Variants in SOX6 observed in about 807,000 individuals in gnomAD.
The protein encoded by SOX6 is SRY-box transcription factor 6, also known as transcription factor SOX-6.
A neutral mutation model predicts 97.8 loss-of-function variants in SOX6; 11 were observed. The ratio of observed to expected loss-of-function variants is 0.11; its 90% CI spans 0.07 to 0.19. The LOEUF (loss-of-function observed/expected upper bound fraction) is 0.19, where lower values mean the gene tolerates loss of function less well. Among genes scored for constraint, SOX6 ranks in the 10% least tolerant of loss-of-function variants. The pLI is 1.00. For missense variants in SOX6, 810 were observed against 1,039.5 expected, an observed-to-expected ratio of 0.78 and a Z score of 3.04; for synonymous variants, 360 against 371.4, an observed-to-expected ratio of 0.97 and a Z score of 0.35.
intron 3 of SOX6, among the ~76,000 whole-genome samples, chr11:16,656,482 G>A (rs1247136044): frequency 6.6e-6 from 1 of 152,054 alleles, no homozygotes; most frequent in Non-Finnish European, 1.5e-5. Context: ...CCTTGGTTAA[G>A]CTAACTCCTT....
At chr11:16,216,020 G>A (rs761073342) in intron 4 of SOX6, among the ~76,000 whole-genome samples, 5 of 152,220 alleles carry the variant, frequency 3.3e-5, no homozygotes, top group Non-Finnish European at 5.9e-5. Context: ...TTCAAATCCT[G>A]GTTTAGCCAC....
intron 6 of SOX6, among the ~76,000 whole-genome samples, chr11:16,136,456 A>G (rs1326406921): frequency 6.6e-6 from 1 of 150,600 alleles, no homozygotes; most frequent in East Asian, 2.0e-4. Context: ...GCTGGAGTTC[A>G]GTGGTGGAAT....
At chr11:16,530,302 G>A (rs1321318498) in intron 4 of SOX6, among the ~76,000 whole-genome samples, 1 of 152,002 alleles carries the variant, frequency 6.6e-6, no homozygotes, top group African/African-American at 2.4e-5. Context: ...GAAAATGTTT[G>A]ACATAAAAGG....
chr11:16,531,899 C>T (rs1369776514), intron 4 of SOX6, among the ~76,000 whole-genome samples: 1 of 151,818 alleles, frequency 6.6e-6, no homozygotes, highest in African/African-American at 2.4e-5. Flanking sequence ...AAATATTTTT[C>T]CTCATGACAT....
At chr11:16,629,869 G>A (rs575466188) in intron 3 of SOX6, among the ~76,000 whole-genome samples, 10 of 152,198 alleles carry the variant, frequency 6.6e-5, no homozygotes, top group African/African-American at 2.4e-4. Flanking sequence ...CTCTAGATTT[G>A]ATAGTTTGTG....
intron 4 of SOX6, among the ~76,000 whole-genome samples, chr11:16,526,877 A>G (rs1291928220): frequency 2.0e-5 from 3 of 152,094 alleles, no homozygotes; most frequent in South Asian, 2.1e-4. Flanking sequence ...TCTTAATTCT[A>G]TAAAGTTTTT....
chr11:16,287,209 T>C (rs1220002586), intron 3 of SOX6, among the ~76,000 whole-genome samples: 1 of 151,548 alleles, frequency 6.6e-6, no homozygotes, highest in Non-Finnish European at 1.5e-5. Context: ...TATATTGTGC[T>C]ATACCATCTC....
intron 4 of SOX6, among the ~76,000 whole-genome samples, chr11:16,572,183 A>C (rs1485757022): frequency 6.6e-6 from 1 of 152,190 alleles, no homozygotes; most frequent in African/African-American, 2.4e-5. Context: ...TTACTGTAGC[A>C]AAAGGAAAAC....
At chr11:16,022,093 G>T (rs1421196678) in intron 12 of SOX6, among the ~76,000 whole-genome samples, 1 of 152,146 alleles carries the variant, frequency 6.6e-6, no homozygotes, top group Non-Finnish European at 1.5e-5. Flanking sequence ...CAATGCTCAT[G>T]CCACAAGGGC....
intron 6 of SOX6, among the ~76,000 whole-genome samples, chr11:16,162,643 A>G (rs1009130596): frequency 4.6e-5 from 7 of 152,220 alleles, no homozygotes; most frequent in African/African-American, 1.7e-4. Flanking sequence ...AAAGCCAAGC[A>G]GATGCCCAGT....
At chr11:15,988,564 C>T (rs922785848) in intron 14 of SOX6, among the ~76,000 whole-genome samples, 28 of 152,086 alleles carry the variant, frequency 1.8e-4, no homozygotes, top group African/African-American at 6.0e-4. Context: ...GACATATAAA[C>T]CCAAGAACAC....
intron 4 of SOX6, among the ~76,000 whole-genome samples, chr11:16,527,845 C>T (rs1861190408): frequency 6.6e-6 from 1 of 152,082 alleles, no homozygotes; most frequent in Non-Finnish European, 1.5e-5. Context: ...AAATGTCTGT[C>T]GTTTCAAGCC....
intron 12 of SOX6, among the ~76,000 whole-genome samples, chr11:16,023,619 G>A (rs1183881951): frequency 2.0e-5 from 3 of 152,034 alleles, no homozygotes; most frequent in African/African-American, 7.2e-5. Flanking sequence ...TCTCCAAGAA[G>A]AATTTTCCCT....
chr11:15,972,514 T>C lies in SOX6; in HGVS notation c.*295A>G. ...AGAAAAAAAAAGTAAGACAAAAATA[T>C]AAGACTTGTAAGACATCTACGGGTT... On this transcript the variant is annotated 3_prime_UTR_variant, in exon 16 of 16. Coordinates refer to ENST00000683767, the MANE Select transcript of SOX6 (RefSeq NM_001367873.1). 2.4e-6 allele frequency: 1 copy of C among 410,582 alleles called. No homozygotes were observed. Among genetic ancestry groups the C allele is most frequent in the East Asian group, 4.7e-5 (1 of 21,266 alleles). 25.4% of individuals were successfully genotyped at this position (410,582 alleles called of 1,614,324 possible). A position where few individuals can be genotyped will look rare whatever the true frequency, so the allele number is the denominator to read the frequency against.
intron 6 of SOX6, among the ~76,000 whole-genome samples, chr11:16,173,951 T>A (rs1344931702): frequency 6.6e-6 from 1 of 151,120 alleles, no homozygotes; most frequent in Non-Finnish European, 1.5e-5. Flanking sequence ...GCTCAAGAGA[T>A]CCCCCTACCT....
At chr11:16,543,421 C>T (rs951454764) in intron 4 of SOX6, among the ~76,000 whole-genome samples, 4 of 151,294 alleles carry the variant, frequency 2.6e-5, no homozygotes, top group Admixed American at 6.6e-5. Context: ...AAAAAATCAT[C>T]TTCATTTTCT....
At chr11:16,371,969 G>C (rs895117278) in intron 1 of SOX6, among the ~76,000 whole-genome samples, 4 of 152,022 alleles carry the variant, frequency 2.6e-5, no homozygotes, top group African/African-American at 7.2e-5. Context: ...CTCAGTATAT[G>C]TTAGCTAATA....
intron 3 of SOX6, among the ~76,000 whole-genome samples, chr11:16,637,386 A>ATGGT (rs1347836688): frequency 6.6e-6 from 1 of 151,880 alleles, no homozygotes; most frequent in Non-Finnish European, 1.5e-5. Context: ...ATGCCCAGCT[A>ATGGT]ATTTTTGTAT....
At position 16,637,089 on chromosome 11, in the gene SOX6, T is replaced by C. The variant is rs141787842; in HGVS notation, n.430-24829A>G. 3.1e-3 allele frequency among the ~76,000 whole-genome samples: 475 copies of C among 152,360 alleles called. 4 individuals are homozygous for C. Among genetic ancestry groups the C allele is most frequent in the African/African-American group, 0.011 (448 of 41,588 alleles). On this transcript the variant is annotated intron_variant and non_coding_transcript_variant, in intron 3 of 5. Coordinates refer to the SOX6 transcript ENST00000524520. ...TCTCTAGAAATTGGCCTATTTTTTT[T>C]TGAAACAACAAGCTTTTGGATTCTT... is the stretch of plus-strand genomic sequence containing the variant.
Sources: gnomAD v4.1 joint callset for allele counts (sites outside exome capture counted in the v4.1 genomes callset) on GRCh38, gnomAD v4.1.1 for gene constraint, MANE v1.5 for transcripts, NCBI Gene and HGNC (gene_info 2026-07-23, HGNC 2026-07-21) for gene names.